Variants in KMT2D observed in about 807,000 individuals in gnomAD.
KMT2D encodes lysine methyltransferase 2D.
A neutral mutation model predicts 512.7 loss-of-function variants in KMT2D; 55 were observed. That is an observed-to-expected ratio of 0.11 (90% confidence interval 0.09 to 0.13). The LOEUF (loss-of-function observed/expected upper bound fraction) is 0.13. Ranked by LOEUF, KMT2D falls within the 10% of genes least tolerant of loss-of-function variation. KMT2D has a pLI of 1.00. For synonymous variants in KMT2D, 2,995 were observed against 2,904.0 expected (o/e 1.03, Z -1.01); for missense variants, 6,061 against 7,127.9 (o/e 0.85, Z 5.39).
rs386762877 is a variant in KMT2D, at chr12:49,028,197, GCTCTACTACC to G, written c.14383-66_14383-57del. 377 of 1,609,008 alleles carry G rather than the reference GCTCTACTACC, an allele frequency of 2.3e-4. No individual in the cohort carries two copies. In the African/African-American group the frequency reaches 4.6e-3, roughly 20 times the overall value. On this transcript the variant is annotated intron_variant, in intron 46 of 54. Coordinates refer to ENST00000301067, the MANE Select transcript of KMT2D (RefSeq NM_003482.4). Reference sequence around the variant, plus strand: ...CATATCAGCCAAGTGTCTGAGGTGAGCTCTACTACCAGCTGGGTGGGGACAAGGACACCTA... The same window carrying G: ...CATATCAGCCAAGTGTCTGAGGTGAGAGCTGGGTGGGGACAAGGACACCTA...
rs568006089 is a variant in KMT2D, at chr12:49,040,979, C to T, written c.6791G>A (p.Gly2264Glu). ...NLAVPESPGV[G>E]GGKASEPLLS... ...CAGGGGCTCGGAAGCTTTGCCTCCC[C>T]CTACCCCAGGGCTCTCAGGCACAGC... is the stretch of plus-strand genomic sequence containing the variant. Residue 2264 changes from glycine to glutamate, a missense_variant, in exon 32 of 55, where the codon GGG becomes GAG. Around this residue, in one of 16 missense-constraint regions of KMT2D, gnomAD observed 710 missense variants for 647.3 expected, o/e 1.10. Coordinates refer to ENST00000301067, the MANE Select transcript of KMT2D (RefSeq NM_003482.4). 6.8e-6 allele frequency: 11 copies of T among 1,607,244 alleles called. No individual in the cohort carries two copies. Among genetic ancestry groups the T allele is most frequent in the Non-Finnish European group, 9.4e-6 (11 of 1,176,340 alleles).
rs2120532401 is a variant in KMT2D, at chr12:49,040,671, C to G, written c.7099G>C (p.Asp2367His). ...ALAPSPPSHP[D>H]IFRPGSYTDP... ...GTGTAGGAGCCAGGGCGAAAGATGTCTGGGTGACTTGGAGGAGAAGGTGCC... is the reference window on the plus strand; with the variant it reads ...GTGTAGGAGCCAGGGCGAAAGATGTGTGGGTGACTTGGAGGAGAAGGTGCC... Residue 2367 changes from aspartate (D) to histidine (H), a missense_variant, in exon 32 of 55, where the codon GAC (aspartate) becomes CAC (histidine). Asp to His is a moderately conservative substitution (Grantham distance 81, BLOSUM62 -1). Around this residue, in one of 16 missense-constraint regions of KMT2D, gnomAD observed 710 missense variants for 647.3 expected, o/e 1.10. Transcript: ENST00000301067. The G allele has an allele frequency of 1.9e-6, 3 of 1,613,744 alleles. No homozygotes were observed. Among genetic ancestry groups the G allele is most frequent in the East Asian group, 2.2e-5 (1 of 44,856 alleles).
chr12:49,048,004 C>T lies in KMT2D; in HGVS notation c.4197G>A (p.Gln1399=), dbSNP rs777545505. Residue 1399 remains glutamine, a synonymous_variant, in exon 15 of 55, where the codon CAG becomes CAA. Transcript: ENST00000301067. ...GAEGHLLACS[Q]CSQCYHPYCV... ...AGTAAGGGTGATAGCACTGAGAGCA[C>T]TGCGAACAGGCAAGGAGGTGGCCCT... 1 of 1,613,556 alleles carries T rather than the reference C, an allele frequency of 6.2e-7. No homozygotes were observed. The highest frequency in any genetic ancestry group is 8.5e-7 in the Non-Finnish European group (1 of 1,179,500).
Position 49,041,717 on chromosome 12 carries a change from G to A in KMT2D, c.6184-12C>T, listed in dbSNP as rs1280806127. On this transcript the variant is annotated splice_polypyrimidine_tract_variant and intron_variant, in intron 30 of 54. Coordinates refer to ENST00000301067, the MANE Select transcript of KMT2D (RefSeq NM_003482.4). The surrounding 1 kb of genome is among the most constrained non-coding windows in gnomAD (Gnocchi z 5.4). Reference sequence around the variant, plus strand: ...TCTTTGGCCTTTTGCTGAGGGATATGGGACACAGCCTTAGGGCCTAGTGCT... The same window carrying A: ...TCTTTGGCCTTTTGCTGAGGGATATAGGACACAGCCTTAGGGCCTAGTGCT... 2.5e-6 allele frequency: 4 copies of A among 1,608,080 alleles called. No homozygotes were observed. Among genetic ancestry groups the A allele is most frequent in the Admixed American group, 3.4e-5 (2 of 58,968 alleles).
chr12:49,019,290 G>A lies in KMT2D; in HGVS notation c.*2490C>T, dbSNP rs1942183432. On this transcript the variant is annotated 3_prime_UTR_variant, in exon 55 of 55. Transcript: ENST00000301067. The stretch of plus-strand genomic sequence containing the variant: ...AAAGGGGGAGGGTCCTGGAGGTGAG[G>A]GGAGAAGACTGTAAAGGGGAAAACT... 2 of 487,532 alleles carry A rather than the reference G, an allele frequency of 4.1e-6. No individual in the cohort carries two copies. The highest frequency in any genetic ancestry group is 5.6e-6 in the Non-Finnish European group (2 of 358,778). 30.2% of individuals were successfully genotyped at this position (487,532 alleles called of 1,614,324 possible).
At position 49,027,799 on chromosome 12, in the gene KMT2D, C is replaced by A; in HGVS notation, c.14643+4G>T. 1 of 1,559,588 alleles carries A rather than the reference C, an allele frequency of 6.4e-7. No individual in the cohort carries two copies. Among genetic ancestry groups the A allele is most frequent in the Non-Finnish European group, 8.7e-7 (1 of 1,151,446 alleles). ...ACCCACCCCTTTTTCTCCCCCAGAC[C>A]TACCTGTTTCAGGAGGCTCAAGATG... is the stretch of plus-strand genomic sequence containing the variant. On this transcript the variant is annotated splice_donor_region_variant and intron_variant, in intron 48 of 54. Transcript: ENST00000301067.
chr12:49,046,873 T>G lies in KMT2D; in HGVS notation c.4237-83A>C. 1 of 1,301,172 alleles carries G rather than the reference T, an allele frequency of 7.7e-7. No individual in the cohort carries two copies. The highest frequency in any genetic ancestry group is 2.5e-5 in the East Asian group (1 of 39,322). 80.6% of individuals were successfully genotyped at this position (1,301,172 alleles called of 1,614,324 possible). On this transcript the variant is annotated intron_variant, in intron 15 of 54. Transcript: ENST00000301067. This position sits in a 1 kb window ranked among gnomAD's most constrained non-coding sequence, Gnocchi z 4.2. ...TTTTATTTTTTTTTGGAGATGGAGTTTTGCTCTTGTTCCCCAGGCTGGAGT... is the reference window on the plus strand; with the variant it reads ...TTTTATTTTTTTTTGGAGATGGAGTGTTGCTCTTGTTCCCCAGGCTGGAGT...
In KMT2D at chr12:49,022,472, C is replaced by T; in HGVS notation, c.16338+118G>A. ...CTTTTGTTGCATGTACTTCATTTCTCCTGCCTTTCCCTTCTCCCCACCACA... is the reference window on the plus strand; with the variant it reads ...CTTTTGTTGCATGTACTTCATTTCTTCTGCCTTTCCCTTCTCCCCACCACA... On this transcript the variant is annotated intron_variant, in intron 52 of 54. Coordinates refer to ENST00000301067, the MANE Select transcript of KMT2D (RefSeq NM_003482.4). This position sits in a 1 kb window ranked among gnomAD's most constrained non-coding sequence, Gnocchi z 8.6. 1 of 1,497,110 alleles carries T rather than the reference C, an allele frequency of 6.7e-7. No homozygotes were observed. The highest frequency in any genetic ancestry group is 9.2e-7 in the Non-Finnish European group (1 of 1,091,112). 92.7% of individuals were successfully genotyped at this position (1,497,110 alleles called of 1,614,324 possible).
rs755107703 is a variant in KMT2D at position 49,026,388 on chromosome 12, G to A, written c.15578C>T (p.Pro5193Leu). Residue 5193 changes from proline to leucine, a missense_variant, in exon 49 of 55, where the codon CCT (proline) becomes CTT (leucine). Physicochemically the swap from Pro to Leu is moderately conservative, Grantham distance 98. Coordinates refer to ENST00000301067, the MANE Select transcript of KMT2D (RefSeq NM_003482.4). This position sits in a 1 kb window ranked among gnomAD's most constrained non-coding sequence, Gnocchi z 9.6. The stretch of plus-strand genomic sequence containing the variant: ...ACTATGAAAGTCAGCCATCTGGTGA[G>A]GCAGCAGCTGTCCGATGGCGTGGAA... ...LVFHAIGQLL[P>L]HQMADFHSAT... 7.4e-6 allele frequency: 12 copies of A among 1,613,308 alleles called. No homozygotes were observed. The highest frequency in any genetic ancestry group is 1.0e-5 in the Non-Finnish European group (12 of 1,179,290).
At chr12:49,036,329 T>A (rs1459078788) in intron 35 of KMT2D, among the ~76,000 whole-genome samples, 4 of 151,240 alleles carry the variant, frequency 2.6e-5, no homozygotes, top group East Asian at 3.9e-4. Context: ...TTTTTTTTTT[T>A]AAGACAGAGT....
chr12:49,037,426 T>C lies in KMT2D; in HGVS notation c.9930A>G (p.Gln3310=), dbSNP rs750004710. The C allele has an allele frequency of 2.9e-5, 46 of 1,596,072 alleles. No individual in the cohort carries two copies. The highest frequency in any genetic ancestry group is 8.0e-5 in the African/African-American group (6 of 74,614). ...EGSSPSLAGS[Q]QQLSLGLAGA... is the part of the protein sequence containing the mutation. ...CTGCAAGACCCAGGGAAAGCTGCTG[T>C]TGGGACCCAGCCAAACTGGGAGAAG... Residue 3310 remains glutamine (Q), a synonymous_variant, in exon 35 of 55, where the codon CAA becomes CAG. Transcript: ENST00000301067.
rs1283851973 is a variant in KMT2D at position 49,026,604 on chromosome 12, G to A, written c.15362C>T (p.Ala5121Val). The change falls in exon 49 of 55, where the codon GCC (alanine) becomes GTC (valine). Residue 5121 changes from alanine to valine, a missense_variant. By Grantham distance (64) the Ala-to-Val change is moderately conservative (BLOSUM62 0). This residue lies in a region of KMT2D where 261 missense variants were observed against 440.7 expected (regional missense o/e 0.59). Coordinates refer to ENST00000301067, the MANE Select transcript of KMT2D (RefSeq NM_003482.4). This position sits in a 1 kb window ranked among gnomAD's most constrained non-coding sequence, Gnocchi z 9.6. ...NVYHFACAIR[A>V]KCMFFKDKTM... is the part of the protein sequence containing the mutation. ...CTTGTCCTTGAAGAACATGCACTTGGCACGGATGGCACAAGCAAAATGGTA... is the reference window on the plus strand; with the variant it reads ...CTTGTCCTTGAAGAACATGCACTTGACACGGATGGCACAAGCAAAATGGTA... The A allele has an allele frequency of 6.2e-7, 1 of 1,614,008 alleles. No homozygotes were observed. The highest frequency in any genetic ancestry group is 8.5e-7 in the Non-Finnish European group (1 of 1,179,906).
intron 43 of KMT2D, 67 bp downstream of exon 43, chr12:49,030,213 A>G (rs1464742071): frequency 8.0e-6 from 11 of 1,381,074 alleles, no homozygotes; most frequent in Non-Finnish European, 1.0e-6. Flanking sequence ...TAAACTGTAC[A>G]GCATACTAAC....
In KMT2D at chr12:49,020,959, TTTG is replaced by T. The variant is rs1180650834; in HGVS notation, c.*818_*820del. ...CATAATTAAAAACAAAGATGGATTTTTTGTTGTTGTTTTTCTTCCTCCTCCTAC... is the reference window on the plus strand; with the variant it reads ...CATAATTAAAAACAAAGATGGATTTTTTGTTGTTTTTCTTCCTCCTCCTAC... On this transcript the variant is annotated 3_prime_UTR_variant, in exon 55 of 55. Coordinates refer to ENST00000301067, the MANE Select transcript of KMT2D (RefSeq NM_003482.4). 1.0e-5 allele frequency: 2 copies of T among 195,306 alleles called. No homozygotes were observed. The highest frequency in any genetic ancestry group is 2.1e-5 in the Non-Finnish European group (2 of 93,618). 12.1% of individuals were successfully genotyped at this position (195,306 alleles called of 1,614,324 possible). A position where few individuals can be genotyped will look rare whatever the true frequency, so the allele number is the denominator to read the frequency against.
At position 49,040,751 on chromosome 12, in the gene KMT2D, G is replaced by A. The variant is rs2120533995; in HGVS notation, c.7019C>T (p.Pro2340Leu). 3 of 1,613,506 alleles carry A rather than the reference G, an allele frequency of 1.9e-6. No individual in the cohort carries two copies. The highest frequency in any genetic ancestry group is 1.7e-4 in the Middle Eastern group (1 of 6,046). Residue 2340 changes from proline to leucine, a missense_variant, in exon 32 of 55, where the codon CCC becomes CTC. Around this residue, in one of 16 missense-constraint regions of KMT2D, gnomAD observed 710 missense variants for 647.3 expected, o/e 1.10. Transcript: ENST00000301067. ...CCTTAGGCCCAAGCCCGGGCTCTGG[G>A]GCTCTACCTGAGATGCCCGAGGGGT... Reference protein sequence around the residue: ...PLTPRASQVEPQSPGLGLRPQ... With the variant: ...PLTPRASQVELQSPGLGLRPQ...
At position 49,051,510 on chromosome 12, in the gene KMT2D, G is replaced by A. The variant is rs1333519111; in HGVS notation, c.2173C>T (p.Leu725=). The A allele has an allele frequency of 6.2e-7, 1 of 1,613,628 alleles. No homozygotes were observed. The highest frequency in any genetic ancestry group is 8.5e-7 in the Non-Finnish European group (1 of 1,179,764). ...TGCGGCTCCTCAGGTAGTGGCAACA[G>A]GGGTGACTCCTCCAGCGGCAGGGAC... ...LMSLPLEESP[L]LPLPEEPQLC... The change falls in exon 11 of 55, where the codon CTG becomes TTG. Residue 725 remains leucine (L), a synonymous_variant. Coordinates refer to ENST00000301067, the MANE Select transcript of KMT2D (RefSeq NM_003482.4).
At chr12:49,053,381 T>C in intron 7 of KMT2D, 60 bp from the exon 8 acceptor site, 1 of 1,607,144 alleles carries the variant, frequency 6.2e-7, no homozygotes. Flanking sequence ...TTCTTTTTTG[T>C]TGTTTTCATG....
In KMT2D at chr12:49,051,085, C is replaced by T; in HGVS notation, c.2598G>A (p.Lys866=). 1 of 1,521,844 alleles carries T rather than the reference C, an allele frequency of 6.6e-7. No individual in the cohort carries two copies. The highest frequency in any genetic ancestry group is 8.8e-7 in the Non-Finnish European group (1 of 1,136,966). The allele number at this position is 1,521,844 out of a possible 1,614,324, so 94.3% of individuals were successfully genotyped here. The change falls in exon 11 of 55, where the codon AAG becomes AAA. Residue 866 remains lysine, a synonymous_variant. Transcript: ENST00000301067. ...EKPPLSPRPE[K]PPEEPGQCPA... Reference sequence around the variant, plus strand: ...GGCATTGGCCTGGCTCCTCAGGGGGCTTTTCAGGCCGAGGGGACAGGGGTG... The same window carrying T: ...GGCATTGGCCTGGCTCCTCAGGGGGTTTTTCAGGCCGAGGGGACAGGGGTG...
chr12:49,049,584 G>A, intron 12 of KMT2D, 98 bp downstream of exon 12: 1 of 1,320,428 alleles, frequency 7.6e-7, no homozygotes, highest in South Asian at 1.7e-5. Context: ...CCAAGTCTAG[G>A]ATTCACAAAG....
Sources: gnomAD v4.1 joint callset for allele counts (sites outside exome capture counted in the v4.1 genomes callset) on GRCh38, gnomAD v4.1.1 for gene constraint, gnomAD v4.1.1 regional missense constraint, Gnocchi (gnomAD v3.1) non-coding constraint, MANE v1.5 for transcripts, NCBI Gene and HGNC (gene_info 2026-07-23, HGNC 2026-07-21) for gene names.